The following LAMC2 variants were observed in gnomAD, a reference collection of about 807,000 sequenced individuals.
LAMC2 encodes laminin subunit gamma 2.
LAMC2 carries 97 observed loss-of-function variants against 140.2 expected under a neutral mutation model. That is an observed-to-expected ratio of 0.69 (90% CI 0.59 to 0.82). The LOEUF (loss-of-function observed/expected upper bound fraction) is 0.82, where lower values mean the gene tolerates loss of function less well. Ranked by LOEUF, LAMC2 falls within the 40% of genes least tolerant of loss-of-function variation. The probability of loss-of-function intolerance (pLI) is 0.00; values close to 1 mark genes in which losing one functional copy is unlikely to be tolerated. For synonymous variants in LAMC2, 513 were observed against 540.2 expected, an observed-to-expected ratio of 0.95 and a Z score of 0.70; for missense variants, 1,402 against 1,476.1, an observed-to-expected ratio of 0.95 and a Z score of 0.82.
intron 4 of LAMC2, among the ~76,000 whole-genome samples, chr1:183,220,526 T>A (rs1034643471): frequency 6.6e-6 from 1 of 151,996 alleles, no homozygotes; most frequent in Non-Finnish European, 1.5e-5. Flanking sequence ...TGACCACCAC[T>A]CAATTTCCTA....
At chr1:183,216,000 A>T (rs1215325984) in intron 3 of LAMC2, among the ~76,000 whole-genome samples, 2 of 152,106 alleles carry the variant, frequency 1.3e-5, no homozygotes, top group South Asian at 2.1e-4. Flanking sequence ...CATAATCTTG[A>T]TCCCCTTTAG....
intron 10 of LAMC2, 99 bp downstream of exon 10, chr1:183,227,796 A>G: frequency 8.6e-7 from 1 of 1,156,452 alleles, no homozygotes; most frequent in Non-Finnish European, 1.3e-6. Context: ...AGGAAATTAT[A>G]ATGACTTCGG....
At chr1:183,202,907 T>C (rs1658762905) in intron 1 of LAMC2, among the ~76,000 whole-genome samples, 1 of 152,202 alleles carries the variant, frequency 6.6e-6, no homozygotes, top group African/African-American at 2.4e-5. Flanking sequence ...CAACCATCTA[T>C]GGGTTTTTTA....
chr1:183,218,726 T>C (rs1659366078), intron 4 of LAMC2, among the ~76,000 whole-genome samples: 1 of 152,094 alleles, frequency 6.6e-6, no homozygotes, highest in Non-Finnish European at 1.5e-5. Context: ...CCTCTCTTTA[T>C]TTTGACTTTG....
At position 183,244,247 on chromosome 1, in the gene LAMC2, C is replaced by A. The variant is rs1166331341; in HGVS notation, c.*847C>A. ...CTAGATTTATTAGTCCTAATTCAAT[C>A]CTACTTTTCGAACACCAAAAATGAT... On this transcript the variant is annotated 3_prime_UTR_variant, in exon 23 of 23. Coordinates refer to ENST00000264144, the MANE Select transcript of LAMC2 (RefSeq NM_005562.3). The A allele has an allele frequency of 6.6e-6, 1 of 152,186 alleles. No homozygotes were observed. The highest frequency in any genetic ancestry group is 1.5e-5 in the Non-Finnish European group (1 of 68,030). 9.4% of individuals were successfully genotyped at this position (152,186 alleles called of 1,614,324 possible).
At chr1:183,239,586 G>A in intron 20 of LAMC2, 23 bp downstream of exon 20, 1 of 1,591,144 alleles carries the variant, frequency 6.3e-7, no homozygotes, top group Admixed American at 1.7e-5. Flanking sequence ...CGACATGTGT[G>A]TTGGTGCCAG....
the LAMC2 span, among the ~76,000 whole-genome samples, chr1:183,253,237 A>T: frequency 6.8e-6 from 1 of 148,106 alleles, no homozygotes; most frequent in East Asian, 1.9e-4. Context: ...TTACATATTT[A>T]TTATATATTT....
At chr1:183,237,280 C>G (rs957617819) in intron 17 of LAMC2, 72 bp from the exon 18 acceptor site, 4 of 1,538,134 alleles carry the variant, frequency 2.6e-6, no homozygotes, top group Non-Finnish European at 3.6e-6. Context: ...AACAATGGTG[C>G]CAGGTCCTAA....
At position 183,230,443 on chromosome 1, in the gene LAMC2, C is replaced by A. The variant is rs79396216; in HGVS notation, c.1715-518C>A. Among the ~76,000 whole-genome samples, 326 of 152,294 alleles carry A rather than the reference C, an allele frequency of 2.1e-3. 6 individuals carry two copies. The East Asian group carries it at 0.054, about 25-fold the overall frequency. On this transcript the variant is annotated intron_variant, in intron 11 of 22. Transcript: ENST00000264144. Reference sequence around the variant, plus strand: ...CTCCTATAACAGAACCTGGCTTAATCAATTTGGTTGAATGAGTAAAGGTAT... The same window carrying A: ...CTCCTATAACAGAACCTGGCTTAATAAATTTGGTTGAATGAGTAAAGGTAT...
intron 3 of LAMC2, 54 bp downstream of exon 3, chr1:183,215,642 T>C: frequency 6.2e-7 from 1 of 1,608,178 alleles, no homozygotes; most frequent in Middle Eastern, 1.7e-4. Context: ...GACAATTATA[T>C]AAACCTTAGC....
chr1:183,239,699 A>G (rs2102252278), intron 20 of LAMC2, 136 bp downstream of exon 20: 1 of 755,908 alleles, frequency 1.3e-6, no homozygotes, highest in South Asian at 1.8e-5. Flanking sequence ...CCCCAGATTA[A>G]AAGACTATGG....
At chr1:183,208,733 G>A (rs1658979197) in intron 2 of LAMC2, among the ~76,000 whole-genome samples, 2 of 152,178 alleles carry the variant, frequency 1.3e-5, no homozygotes, top group African/African-American at 4.8e-5. Flanking sequence ...AGACTGGAGT[G>A]CAGTGGTGCC....
intron 2 of LAMC2, 61 bp from the exon 3 acceptor site, chr1:183,215,392 T>C: frequency 6.3e-7 from 1 of 1,598,256 alleles, no homozygotes; most frequent in Non-Finnish European, 8.6e-7. Flanking sequence ...TTGCTTCCAA[T>C]GCCGCATACA....
At chr1:183,234,176 C>G (rs1407265650) in intron 14 of LAMC2, among the ~76,000 whole-genome samples, 191 bp from the exon 15 acceptor site, 1 of 152,206 alleles carries the variant, frequency 6.6e-6, no homozygotes, top group Non-Finnish European at 1.5e-5. Flanking sequence ...CATGAGCCAC[C>G]ACACCCGGCC....
intron 1 of LAMC2, among the ~76,000 whole-genome samples, chr1:183,192,100 C>T (rs1430406491): frequency 6.6e-6 from 1 of 152,196 alleles, no homozygotes; most frequent in African/African-American, 2.4e-5. Flanking sequence ...TTCTTTATGT[C>T]ACAACCATGG....
chr1:183,257,721 A>C, the LAMC2 span, among the ~76,000 whole-genome samples: 1 of 151,434 alleles, frequency 6.6e-6, no homozygotes, highest in Non-Finnish European at 1.5e-5. Flanking sequence ...TAATGTCTAC[A>C]CTTTCATTTC....
chr1:183,238,491 C>T (rs1571541084), intron 19 of LAMC2, 70 bp downstream of exon 19: 3 of 940,580 alleles, frequency 3.2e-6, no homozygotes, highest in East Asian at 4.8e-5. Context: ...CCTTTGAATT[C>T]TCATATGTCT....
At chr1:183,191,622 C>T (rs1372670360) in intron 1 of LAMC2, among the ~76,000 whole-genome samples, 1 of 151,640 alleles carries the variant, frequency 6.6e-6, no homozygotes, top group Non-Finnish European at 1.5e-5. Flanking sequence ...CTTTGGGAGG[C>T]CGAGGCGGGC....
rs875793 is a variant in LAMC2 at position 183,216,492 on chromosome 1, C to T, written c.404+904C>T. 2.9e-3 allele frequency among the ~76,000 whole-genome samples: 436 copies of T among 152,230 alleles called. 7 individuals carry two copies. Among genetic ancestry groups the T allele is most frequent in the Admixed American group, 0.023 (348 of 15,308 alleles). Reference sequence around the variant, plus strand: ...CAGCCTAGGTGCCTGCTTGGTTTCTCGTCACTTTCCTCCCTGCTCCCTGCA... The same window carrying T: ...CAGCCTAGGTGCCTGCTTGGTTTCTTGTCACTTTCCTCCCTGCTCCCTGCA... On this transcript the variant is annotated intron_variant, in intron 3 of 22. Transcript: ENST00000264144.
Sources: gnomAD v4.1 joint callset for allele counts (sites outside exome capture counted in the v4.1 genomes callset) on GRCh38, gnomAD v4.1.1 for gene constraint, MANE v1.5 for transcripts, NCBI Gene and HGNC (gene_info 2026-07-23, HGNC 2026-07-21) for gene names.